MEF2B: variants seen among roughly 807,000 people sequenced by gnomAD.
The protein encoded by MEF2B is myocyte-specific enhancer factor 2B.
A neutral mutation model predicts 32.2 loss-of-function variants in MEF2B; 15 were observed. That is an observed-to-expected ratio of 0.47 (90% CI 0.31 to 0.72). The LOEUF (loss-of-function observed/expected upper bound fraction) is 0.72, where lower values mean the gene tolerates loss of function less well. Ranked by LOEUF, MEF2B falls within the 30% of genes least tolerant of loss-of-function variation. The probability of loss-of-function intolerance (pLI) is 0.05; values close to 1 mark genes in which losing one functional copy is unlikely to be tolerated. For synonymous variants in MEF2B, 205 were observed against 225.6 expected (o/e 0.91, Z 0.82); for missense variants, 441 against 511.5 (o/e 0.86, Z 1.33).
At chr19:19,151,396 C>T (rs942920712) in intron 1 of MEF2B, among the ~76,000 whole-genome samples, 2 of 152,090 alleles carry the variant, frequency 1.3e-5, no homozygotes, top group Non-Finnish European at 2.9e-5. Flanking sequence ...ATCCTGTACC[C>T]CACTCAAGGA....
At chr19:19,169,059 AT>A (rs924245039) in intron 1 of MEF2B, among the ~76,000 whole-genome samples, 8 of 151,258 alleles carry the variant, frequency 5.3e-5, no homozygotes, top group Non-Finnish European at 1.2e-4. Context: ...CTCAAAAAAA[AT>A]TTTTTTTTAA....
At chr19:19,147,895 T>A in intron 3 of MEF2B, 63 bp from the exon 4 acceptor site, 1 of 1,564,866 alleles carries the variant, frequency 6.4e-7, no homozygotes, top group Non-Finnish European at 8.6e-7. Flanking sequence ...AACCCAGTTC[T>A]ATGGGAGAGG....
chr19:19,156,110 T>C (rs1296898943), intron 1 of MEF2B, among the ~76,000 whole-genome samples: 1 of 152,130 alleles, frequency 6.6e-6, no homozygotes, highest in Non-Finnish European at 1.5e-5. Flanking sequence ...TCCAGTACCT[T>C]CCTACTCCTT....
rs74490654 is a variant in MEF2B, at chr19:19,163,581, C to G, written c.-30+6624G>C. Among the ~76,000 whole-genome samples, 45 of 152,324 alleles carry G rather than the reference C, an allele frequency of 3.0e-4. No individual in the cohort carries two copies. In the East Asian group the frequency reaches 6.8e-3, roughly 23 times the overall value. On this transcript the variant is annotated intron_variant, in intron 1 of 8. Coordinates refer to ENST00000424583, the MANE Select transcript of MEF2B (RefSeq NM_001145785.2). Reference sequence around the variant, plus strand: ...AGTACATAGAAGGCCCTCAATCACCCTTCCTTGAATCAACGACCAAACAAC... The same window carrying G: ...AGTACATAGAAGGCCCTCAATCACCGTTCCTTGAATCAACGACCAAACAAC...
rs530454730 is a variant in MEF2B, at chr19:19,151,982, C to A, written c.-29-1218G>T. 6.1e-5 allele frequency among the ~76,000 whole-genome samples: 7 copies of A among 113,982 alleles called. No homozygotes were observed. In the East Asian group the frequency reaches 1.6e-3, roughly 26 times the overall value. 74.8% of individuals were successfully genotyped at this position (113,982 alleles called of 152,430 possible). ...TATTTTTTTTTTTTTTTTTTTGAGA[C>A]GAGTTTTCACTCTTGTTGCCCAGGC... On this transcript the variant is annotated intron_variant, in intron 1 of 8. Coordinates refer to ENST00000424583, the MANE Select transcript of MEF2B (RefSeq NM_001145785.2).
Position 19,153,606 on chromosome 19 carries a change from A to G in MEF2B, c.-29-2842T>C, listed in dbSNP as rs180814319. On this transcript the variant is annotated intron_variant, in intron 1 of 8. Transcript: ENST00000424583. ...CAAGTAGCTGCGATTACGGGCATGC[A>G]CCACCACACCTCGCTAATTTTTGTA... is the stretch of plus-strand genomic sequence containing the variant. 3.5e-3 allele frequency among the ~76,000 whole-genome samples: 537 copies of G among 151,982 alleles called. 3 individuals are homozygous for G. The highest frequency in any genetic ancestry group is 4.1e-3 in the Non-Finnish European group (280 of 67,968).
chr19:19,145,687 G>C lies in MEF2B; in HGVS notation c.*110C>G, dbSNP rs552741177. The C allele has an allele frequency of 5.2e-6, 8 of 1,550,160 alleles. No homozygotes were observed. Among genetic ancestry groups the C allele is most frequent in the Admixed American group, 2.0e-5 (1 of 50,646 alleles). On this transcript the variant is annotated 3_prime_UTR_variant, in exon 9 of 9. Coordinates refer to ENST00000424583, the MANE Select transcript of MEF2B (RefSeq NM_001145785.2). This position sits in a 1 kb window ranked among gnomAD's most constrained non-coding sequence, Gnocchi z 4.6. The stretch of plus-strand genomic sequence containing the variant: ...CCACCTCCAAGCCCCCACCGCGGAG[G>C]GGGGCGTCACTGTTGGGTCTTCTCT...
chr19:19,150,614 C>A, intron 2 of MEF2B, 68 bp downstream of exon 2: 1 of 1,608,658 alleles, frequency 6.2e-7, no homozygotes, highest in South Asian at 1.1e-5. Flanking sequence ...TCAGGTCAGT[C>A]CCTTGCCTAG....
intron 2 of MEF2B, among the ~76,000 whole-genome samples, chr19:19,150,152 GA>G (rs2060062018): frequency 7.8e-6 from 1 of 128,862 alleles, no homozygotes; most frequent in African/African-American, 2.9e-5. Flanking sequence ...AGGAGGGAGG[GA>G]AGGAGGGAGG....
intron 1 of MEF2B, among the ~76,000 whole-genome samples, chr19:19,159,241 T>TAA (rs35056015): frequency 0.071 from 6,272 of 87,918 alleles, 400 homozygotes; most frequent in African/African-American, 0.15. Context: ...GTGCGTGGCC[T>TAA]AAAAAAAAAA....
In MEF2B at chr19:19,148,083, C is replaced by A. The variant is rs555676417; in HGVS notation, c.259-251G>T. On this transcript the variant is annotated intron_variant, in intron 3 of 8. Coordinates refer to ENST00000424583, the MANE Select transcript of MEF2B (RefSeq NM_001145785.2). ...AGCAGGAGCTGAGATCCATGCAGGCCTGTTGGCGCTGTCCTAATGCTGCTC... is the reference window on the plus strand; with the variant it reads ...AGCAGGAGCTGAGATCCATGCAGGCATGTTGGCGCTGTCCTAATGCTGCTC... Among the ~76,000 whole-genome samples, 4 of 152,402 alleles carry A rather than the reference C, an allele frequency of 2.6e-5. No individual in the cohort carries two copies. In the South Asian group the frequency reaches 6.2e-4, roughly 24 times the overall value.
chr19:19,166,707 C>T (rs34799779), intron 1 of MEF2B, among the ~76,000 whole-genome samples: 7,641 of 151,406 alleles, frequency 0.05, 257 homozygotes, highest in Non-Finnish European at 0.076. Flanking sequence ...CACAGGGAGC[C>T]ATGACTGCAA....
Position 19,147,773 on chromosome 19 carries a change from A to G in MEF2B, c.318T>C (p.Pro106=), listed in dbSNP as rs2146353321. 1.2e-6 allele frequency: 2 copies of G among 1,613,836 alleles called. No homozygotes were observed. The highest frequency in any genetic ancestry group is 2.2e-5 in the East Asian group (1 of 44,880). ...TCCGAAACTTCTCTCCTGGCTCCTCAGGCCCTTCATCCGGCTCCAGCTCTG... is the reference window on the plus strand; with the variant it reads ...TCCGAAACTTCTCTCCTGGCTCCTCGGGCCCTTCATCCGGCTCCAGCTCTG... ...DGPELEPDEG[P]EEPGEKFRRL... The change falls in exon 4 of 9, where the codon CCT becomes CCC. Residue 106 remains proline, a synonymous_variant. Transcript: ENST00000424583.
chr19:19,163,558 T>C (rs2060183686), intron 1 of MEF2B, among the ~76,000 whole-genome samples: 1 of 152,208 alleles, frequency 6.6e-6, no homozygotes, highest in South Asian at 2.1e-4. Flanking sequence ...CAGCGCCTAG[T>C]ACATAGAAGG....
chr19:19,152,900 A>C (rs1249189851), intron 1 of MEF2B, among the ~76,000 whole-genome samples: 7 of 152,160 alleles, frequency 4.6e-5, no homozygotes, highest in Admixed American at 4.6e-4. Flanking sequence ...CTGAGCCCCC[A>C]CAACTATGTA....
intron 1 of MEF2B, among the ~76,000 whole-genome samples, chr19:19,150,994 G>A (rs942809525): frequency 3.3e-5 from 5 of 152,202 alleles, no homozygotes; most frequent in Admixed American, 3.3e-4. Context: ...GCTCATGCCT[G>A]TGATCCCTAG....
chr19:19,152,921 T>C (rs2060094947), intron 1 of MEF2B, among the ~76,000 whole-genome samples: 1 of 152,218 alleles, frequency 6.6e-6, no homozygotes, highest in African/African-American at 2.4e-5. Flanking sequence ...GAGCCCAAGC[T>C]GTCAGTCCCA....
At chr19:19,160,559 C>T (rs537813611) in intron 1 of MEF2B, among the ~76,000 whole-genome samples, 79 of 148,444 alleles carry the variant, frequency 5.3e-4, no homozygotes, top group Admixed American at 2.0e-3. Context: ...CCCCTGAGCC[C>T]GCAGGGAGGC....
intron 3 of MEF2B, 118 bp downstream of exon 3, chr19:19,149,108 A>G: frequency 2.3e-6 from 3 of 1,314,044 alleles, no homozygotes; most frequent in Non-Finnish European, 3.1e-6. Context: ...GAAATAAAGC[A>G]CGTCAGCCAC....
Sources: allele counts gnomAD v4.1 joint callset (sites outside exome capture counted in the v4.1 genomes callset), GRCh38; gene constraint gnomAD v4.1.1; non-coding constraint Gnocchi (gnomAD v3.1); transcripts MANE v1.5; gene names NCBI Gene and HGNC (gene_info 2026-07-23, HGNC 2026-07-21).